NCAM2: variants seen among roughly 807,000 people sequenced by gnomAD.
NCAM2 encodes N-CAM-2.
In NCAM2, 30 loss-of-function variants were observed where a neutral mutation model predicts 98.1. The observed-to-expected ratio is 0.31, with a 90% CI of 0.23 to 0.41. The LOEUF is 0.41. Ranked by LOEUF, NCAM2 falls within the 10% of genes least tolerant of loss-of-function variation. The pLI is 1.00. For synonymous variants in NCAM2, 368 were observed against 342.4 expected (o/e 1.07, Z -0.83); for missense variants, 867 against 1,005.8 (o/e 0.86, Z 1.87).
chr21:21,449,148 A>G (rs559201378), intron 12 of NCAM2, among the ~76,000 whole-genome samples: 1 of 152,142 alleles, frequency 6.6e-6, no homozygotes, highest in Non-Finnish European at 1.5e-5. Flanking sequence ...TGTTAAGGAG[A>G]ACTTCTATGC....
At chr21:21,039,997 G>C (rs975548071) in intron 1 of NCAM2, among the ~76,000 whole-genome samples, 5 of 152,140 alleles carry the variant, frequency 3.3e-5, no homozygotes, top group African/African-American at 1.2e-4. Flanking sequence ...CAGTGAGGAG[G>C]ATACACATTG....
intron 15 of NCAM2, among the ~76,000 whole-genome samples, chr21:21,487,963 A>G (rs556979407): frequency 6.6e-6 from 1 of 152,152 alleles, no homozygotes; most frequent in Non-Finnish European, 1.5e-5. Flanking sequence ...TAAACTCTAT[A>G]TTCATATTAT....
At chr21:21,481,321 A>G (rs2146278196) in intron 15 of NCAM2, among the ~76,000 whole-genome samples, 1 of 152,324 alleles carries the variant, frequency 6.6e-6, no homozygotes, top group South Asian at 2.1e-4. Context: ...AACACTTTAC[A>G]AACTTACTGG....
Position 21,284,184 on chromosome 21 carries a change from C to A in NCAM2, c.131-10C>A, listed in dbSNP as rs1426605847. The A allele has an allele frequency of 1.3e-6, 2 of 1,599,464 alleles. No homozygotes were observed. The highest frequency in any genetic ancestry group is 1.7e-6 in the Non-Finnish European group (2 of 1,167,432). On this transcript the variant is annotated splice_polypyrimidine_tract_variant and intron_variant, in intron 2 of 17. Transcript: ENST00000400546. ...ATTTTCAAACCTTTATTTTCCATGG[C>A]TCTTTGCAGCGATTGGTGAACCTGA...
chr21:21,118,335 G>T (rs561430512), intron 1 of NCAM2, among the ~76,000 whole-genome samples: 2 of 152,116 alleles, frequency 1.3e-5, no homozygotes, highest in East Asian at 1.9e-4. Context: ...GATGCAGCGG[G>T]GGGGCAGGCT....
rs766929746 is a variant in NCAM2, at chr21:21,432,178, C to A, written c.1551C>A (p.Asn517Lys). Residue 517 changes from asparagine (N) to lysine (K), a missense_variant, in exon 12 of 18, where the codon AAC becomes AAA. Physicochemically the swap from Asn to Lys is moderately conservative, Grantham distance 94 (BLOSUM62 0). Coordinates refer to ENST00000400546, the MANE Select transcript of NCAM2 (RefSeq NM_004540.5). The part of the protein sequence containing the change: ...LSQTTAKVSF[N>K]KPDSHGGVPI... Reference sequence around the variant, plus strand: ...AGACCACGGCCAAGGTTTCCTTCAACAAACCGGACTCCCATGGAGGTGTAC... The same window carrying A: ...AGACCACGGCCAAGGTTTCCTTCAAAAAACCGGACTCCCATGGAGGTGTAC... 2 of 1,614,064 alleles carry A rather than the reference C, an allele frequency of 1.2e-6. No individual in the cohort carries two copies. Among genetic ancestry groups the A allele is most frequent in the Non-Finnish European group, 8.5e-7 (1 of 1,179,960 alleles).
At chr21:21,433,742 C>CAATAAAATAAAATAAAATAA (rs71322060) in intron 12 of NCAM2, among the ~76,000 whole-genome samples, 2,305 of 105,146 alleles carry the variant, frequency 0.022, 55 homozygotes, top group East Asian at 0.1. Flanking sequence ...GACTCCATCT[C>CAATAAAATAAAATAAAATAA]AATAAAATAA....
At chr21:21,495,253 AAT>A (rs1987142325) in intron 15 of NCAM2, among the ~76,000 whole-genome samples, 1 of 152,006 alleles carries the variant, frequency 6.6e-6, no homozygotes, top group South Asian at 2.1e-4. Flanking sequence ...AAAATATACC[AAT>A]AGACTTTAAT....
intron 1 of NCAM2, among the ~76,000 whole-genome samples, chr21:21,070,771 T>A (rs190859508): frequency 9.2e-5 from 14 of 152,228 alleles, no homozygotes; most frequent in Non-Finnish European, 1.5e-4. Flanking sequence ...TCAAATAGCC[T>A]TTCCCACCTC....
At chr21:21,305,207 A>G (rs1368289671) in intron 5 of NCAM2, among the ~76,000 whole-genome samples, 1 of 152,048 alleles carries the variant, frequency 6.6e-6, no homozygotes, top group South Asian at 2.1e-4. Context: ...AATCCCAGAT[A>G]CTCGGGAGGC....
intron 13 of NCAM2, among the ~76,000 whole-genome samples, 182 bp downstream of exon 13, chr21:21,466,907 A>C (rs1983754326): frequency 6.6e-6 from 1 of 152,064 alleles, no homozygotes; most frequent in Admixed American, 6.6e-5. Flanking sequence ...TTTGCTTTAG[A>C]GCAAGGCAGA....
At chr21:21,101,392 G>T (rs1299480732) in intron 1 of NCAM2, among the ~76,000 whole-genome samples, 1 of 151,862 alleles carries the variant, frequency 6.6e-6, no homozygotes, top group Non-Finnish European at 1.5e-5. Context: ...GATAACTTAA[G>T]ATACTACTTT....
At chr21:21,144,432 G>T (rs1322914650) in intron 1 of NCAM2, among the ~76,000 whole-genome samples, 1 of 151,854 alleles carries the variant, frequency 6.6e-6, no homozygotes, top group Non-Finnish European at 1.5e-5. Flanking sequence ...TAATATCCTT[G>T]CCAAATTAGT....
intron 9 of NCAM2, among the ~76,000 whole-genome samples, chr21:21,403,099 C>T (rs1420431740): frequency 6.6e-6 from 1 of 152,080 alleles, no homozygotes; most frequent in Non-Finnish European, 1.5e-5. Context: ...TATTTACCTT[C>T]TTTTGGGCTA....
At chr21:21,402,017 A>C (rs1478833230) in intron 9 of NCAM2, among the ~76,000 whole-genome samples, 1 of 152,194 alleles carries the variant, frequency 6.6e-6, no homozygotes, top group South Asian at 2.1e-4. Context: ...GATGTAAGTC[A>C]CCTCAGGACC....
chr21:21,524,526 G>A (rs1016087751), intron 16 of NCAM2, among the ~76,000 whole-genome samples: 22 of 148,556 alleles, frequency 1.5e-4, no homozygotes, highest in African/African-American at 5.2e-4. Context: ...GCGAAACTCT[G>A]TAACAAAAAA....
At chr21:21,141,180 A>G (rs559640470) in intron 1 of NCAM2, among the ~76,000 whole-genome samples, 2 of 152,278 alleles carry the variant, frequency 1.3e-5, no homozygotes, top group African/African-American at 4.8e-5. Flanking sequence ...ATGGTTTTCA[A>G]GTTTTTCGCT....
intron 14 of NCAM2, among the ~76,000 whole-genome samples, chr21:21,470,846 G>A (rs1984354451): frequency 6.6e-6 from 1 of 151,904 alleles, no homozygotes; most frequent in African/African-American, 2.4e-5. Context: ...TTTAACAGGG[G>A]ACATTGTTTT....
Position 21,477,413 on chromosome 21 carries a change from A to G in NCAM2, c.2019A>G (p.Gly673=), listed in dbSNP as rs1326825773. The G allele has an allele frequency of 6.2e-7, 1 of 1,610,844 alleles. No individual in the cohort carries two copies. The highest frequency in any genetic ancestry group is 2.2e-5 in the East Asian group (1 of 44,796). ...EVQITAANRL[G]YSEPTVYEFS... Reference sequence around the variant, plus strand: ...AGATTACAGCTGCCAATAGATTGGGATATTCTGAACCGACAGTTTATGAAT... The same window carrying G: ...AGATTACAGCTGCCAATAGATTGGGGTATTCTGAACCGACAGTTTATGAAT... The change falls in exon 15 of 18, where the codon GGA becomes GGG. Residue 673 remains glycine, a synonymous_variant. Transcript: ENST00000400546.
Sources: allele counts gnomAD v4.1 joint callset (sites outside exome capture counted in the v4.1 genomes callset), GRCh38; gene constraint gnomAD v4.1.1; transcripts MANE v1.5; gene names NCBI Gene and HGNC (gene_info 2026-07-23, HGNC 2026-07-21).